The following TAOK3 variants were observed in gnomAD, a reference collection of about 807,000 sequenced individuals.
TAOK3 encodes TAO kinase 3, also known as serine/threonine-protein kinase TAO3.
A neutral mutation model predicts 120.4 loss-of-function variants in TAOK3; 40 were observed. That is an observed-to-expected ratio of 0.33 (90% CI 0.26 to 0.43). The LOEUF (loss-of-function observed/expected upper bound fraction) is 0.43, where lower values mean the gene tolerates loss of function less well. TAOK3 is among the 20% of genes least tolerant of loss of function. The pLI, the probability that TAOK3 is intolerant of heterozygous loss-of-function variation, is 1.00. For missense variants in TAOK3, 821 were observed against 1,112.1 expected, an observed-to-expected ratio of 0.74 and a Z score of 3.72; for synonymous variants, 355 against 387.5, an observed-to-expected ratio of 0.92 and a Z score of 0.99.
At position 118,221,769 on chromosome 12, in the gene TAOK3, G is replaced by A. The variant is rs143653325; in HGVS notation, c.644-7659C>T. ...CTTGCCTCAGTCTCCCGAGTAGCTG[G>A]GACTACAGGTGCCCGCCACCACGCC... On this transcript the variant is annotated intron_variant, in intron 9 of 20. Transcript: ENST00000392533. Among the ~76,000 whole-genome samples the A allele has an allele frequency of 5.5e-3, 838 of 151,434 alleles. 9 individuals carry two copies. The highest frequency in any genetic ancestry group is 0.014 in the Middle Eastern group (4 of 294).
Position 118,310,262 on chromosome 12 carries a change from AAC to A in TAOK3, c.-193-43505_-193-43504del, listed in dbSNP as rs368955063. On this transcript the variant is annotated intron_variant, in intron 1 of 20. Coordinates refer to ENST00000392533, the MANE Select transcript of TAOK3 (RefSeq NM_016281.4). ...TCGTGCCACTGCACTCAACCTCTAC[AAC>A]AGAGTGAGATTACAGAGTGAGACTG... is the stretch of plus-strand genomic sequence containing the variant. Among the ~76,000 whole-genome samples, 154 of 152,336 alleles carry A rather than the reference AAC, an allele frequency of 1.0e-3. 1 individual carries two copies. The highest frequency in any genetic ancestry group is 3.4e-3 in the African/African-American group (140 of 41,578).
At chr12:118,208,258 T>C (rs995685189) in intron 11 of TAOK3, among the ~76,000 whole-genome samples, 1 of 152,138 alleles carries the variant, frequency 6.6e-6, no homozygotes, top group Non-Finnish European at 1.5e-5. Flanking sequence ...AGGGCAAAAA[T>C]GCATGGAAAA....
At chr12:118,168,613 A>T (rs1007258987) in intron 17 of TAOK3, among the ~76,000 whole-genome samples, 34 of 152,332 alleles carry the variant, frequency 2.2e-4, no homozygotes, top group Middle Eastern at 3.4e-3. Flanking sequence ...CATTTTCATG[A>T]AGGTGGGCTC....
intron 13 of TAOK3, among the ~76,000 whole-genome samples, chr12:118,195,556 C>T (rs1005404816): frequency 6.6e-6 from 1 of 151,914 alleles, no homozygotes; most frequent in Admixed American, 6.6e-5. Flanking sequence ...ATTTGTTGAG[C>T]GCTTACTATG....
intron 1 of TAOK3, among the ~76,000 whole-genome samples, chr12:118,337,557 C>T (rs1157036319): frequency 6.6e-6 from 1 of 152,132 alleles, no homozygotes; most frequent in Non-Finnish European, 1.5e-5. Context: ...TATAATACAT[C>T]CATACCATGG....
chr12:118,317,637 G>T (rs2043526349), intron 1 of TAOK3, among the ~76,000 whole-genome samples: 1 of 151,974 alleles, frequency 6.6e-6, no homozygotes, highest in South Asian at 2.1e-4. Context: ...AAGACATTAT[G>T]TGTTCAGGAG....
intron 17 of TAOK3, among the ~76,000 whole-genome samples, chr12:118,167,199 T>A (rs1456117711): frequency 6.6e-6 from 1 of 152,058 alleles, no homozygotes; most frequent in Non-Finnish European, 1.5e-5. Context: ...GTTTCAGTGA[T>A]CTTCTTGTTT....
chr12:118,168,095 T>C (rs181866641), intron 17 of TAOK3, among the ~76,000 whole-genome samples: 129 of 152,256 alleles, frequency 8.5e-4, no homozygotes, highest in Non-Finnish European at 3.7e-4. Flanking sequence ...CATATGTATA[T>C]AGAAAAAAAC....
chr12:118,324,980 T>C (rs980520050), intron 1 of TAOK3, among the ~76,000 whole-genome samples: 2 of 151,990 alleles, frequency 1.3e-5, no homozygotes, highest in South Asian at 2.1e-4. Context: ...TCTCCTGACC[T>C]TGTGATCCGC....
intron 9 of TAOK3, among the ~76,000 whole-genome samples, chr12:118,228,467 T>TTAACAATA (rs1199372677): frequency 7.2e-5 from 11 of 152,156 alleles, no homozygotes; most frequent in African/African-American, 2.7e-4. Context: ...ATATATAGTT[T>TTAACAATA]TAACAATATA....
intron 2 of TAOK3, among the ~76,000 whole-genome samples, chr12:118,258,589 G>C (rs2041091957): frequency 6.6e-6 from 1 of 151,978 alleles, no homozygotes; most frequent in South Asian, 2.1e-4. Flanking sequence ...TGGTGCTCCT[G>C]TAGTCCCAGC....
At chr12:118,353,369 G>A (rs1030042827) in intron 1 of TAOK3, among the ~76,000 whole-genome samples, 3 of 152,112 alleles carry the variant, frequency 2.0e-5, no homozygotes, top group Non-Finnish European at 4.4e-5. Flanking sequence ...AAAAGGCAGA[G>A]ACTTGAATGA....
chr12:118,189,108 C>G (rs1414407928), intron 14 of TAOK3, among the ~76,000 whole-genome samples: 1 of 152,164 alleles, frequency 6.6e-6, no homozygotes, highest in Non-Finnish European at 1.5e-5. Flanking sequence ...CACAATCAGC[C>G]CTATCCTCTC....
intron 2 of TAOK3, among the ~76,000 whole-genome samples, chr12:118,265,220 C>A (rs1488846901): frequency 6.6e-6 from 1 of 151,528 alleles, no homozygotes. Context: ...GAAACCCCGT[C>A]TCTACTAAAA....
chr12:118,290,802 C>A (rs2042442461), intron 1 of TAOK3, among the ~76,000 whole-genome samples: 3 of 151,296 alleles, frequency 2.0e-5, no homozygotes, highest in Admixed American at 2.0e-4. Flanking sequence ...TTTATATCGC[C>A]ACTACTTAAC....
intron 11 of TAOK3, among the ~76,000 whole-genome samples, chr12:118,203,227 G>T (rs1279468758): frequency 2.0e-5 from 3 of 151,878 alleles, no homozygotes; most frequent in African/African-American, 7.3e-5. Context: ...TTATCCAGAG[G>T]TCAAAATTCT....
At chr12:118,206,501 G>A (rs2038319801) in intron 11 of TAOK3, among the ~76,000 whole-genome samples, 1 of 152,118 alleles carries the variant, frequency 6.6e-6, no homozygotes, top group African/African-American at 2.4e-5. Context: ...GTACATTCTA[G>A]GTAATTCTAA....
chr12:118,343,769 T>C (rs922003885), intron 1 of TAOK3, among the ~76,000 whole-genome samples: 2 of 152,010 alleles, frequency 1.3e-5, no homozygotes, highest in Non-Finnish European at 2.9e-5. Flanking sequence ...TCCCAGCACT[T>C]TGGGAGGCCG....
intron 1 of TAOK3, among the ~76,000 whole-genome samples, chr12:118,332,026 T>C (rs1474532359): frequency 1.3e-5 from 2 of 152,202 alleles, no homozygotes; most frequent in Admixed American, 6.5e-5. Context: ...GGTTTCGCCA[T>C]ATTGGCGAGG....
Sources: allele counts gnomAD v4.1 joint callset (sites outside exome capture counted in the v4.1 genomes callset), GRCh38; gene constraint gnomAD v4.1.1; transcripts MANE v1.5; gene names NCBI Gene and HGNC (gene_info 2026-07-23, HGNC 2026-07-21).